Variants in PHACTR3 observed in about 807,000 individuals in gnomAD.
The protein encoded by PHACTR3 is protein phosphatase 1, regulatory subunit 123.
A neutral mutation model predicts 66.8 loss-of-function variants in PHACTR3; 16 were observed. That is an observed-to-expected ratio of 0.24 (90% CI 0.16 to 0.36). The LOEUF (loss-of-function observed/expected upper bound fraction) is 0.36, where lower values mean the gene tolerates loss of function less well. Among genes scored for constraint, PHACTR3 ranks in the 10% least tolerant of loss-of-function variants. The pLI is 1.00. For synonymous variants in PHACTR3, 323 were observed against 292.1 expected (o/e 1.11, Z -1.08); for missense variants, 647 against 719.9 (o/e 0.90, Z 1.16).
intron 7 of PHACTR3, among the ~76,000 whole-genome samples, chr20:59,790,245 A>G (rs2041048336): frequency 6.6e-6 from 1 of 152,166 alleles, no homozygotes; most frequent in South Asian, 2.1e-4. Context: ...AGTACCCATT[A>G]GTTAGTTTTC....
At chr20:59,769,165 C>T (rs188065251) in intron 5 of PHACTR3, among the ~76,000 whole-genome samples, 7 of 152,364 alleles carry the variant, frequency 4.6e-5, no homozygotes, top group African/African-American at 1.4e-4. Context: ...AGCCCTGACC[C>T]TTGACCTCAT....
chr20:59,624,443 A>G (rs2034371981), intron 1 of PHACTR3, among the ~76,000 whole-genome samples: 1 of 152,144 alleles, frequency 6.6e-6, no homozygotes, highest in African/African-American at 2.4e-5. Context: ...TCTGCCATGA[A>G]GCCAGTATGA....
At chr20:59,590,247 A>G (rs1184369195) in intron 1 of PHACTR3, among the ~76,000 whole-genome samples, 2 of 152,254 alleles carry the variant, frequency 1.3e-5, no homozygotes, top group Non-Finnish European at 2.9e-5. Flanking sequence ...GCTGAGTGCT[A>G]TTCCCTAGTG....
Position 59,693,755 on chromosome 20 carries a change from G to A in PHACTR3, c.119-49352G>A, listed in dbSNP as rs146032613. ...TCAACTGCAGGCTGGGTATAACACT[G>A]TCAGATTTTGGTGTCAGCTGGGATA... On this transcript the variant is annotated intron_variant, in intron 1 of 12. Transcript: ENST00000371015. 2.7e-4 allele frequency among the ~76,000 whole-genome samples: 41 copies of A among 152,286 alleles called. No homozygotes were observed. The East Asian group carries it at 7.9e-3, about 29-fold the overall frequency.
intron 4 of PHACTR3, among the ~76,000 whole-genome samples, chr20:59,760,410 C>T (rs2039955314): frequency 6.6e-6 from 1 of 152,114 alleles, no homozygotes; most frequent in Non-Finnish European, 1.5e-5. Flanking sequence ...TCCCATAATT[C>T]CCACGTGTGG....
rs138881292 is a variant in PHACTR3 at position 59,665,494 on chromosome 20, G to T, written c.118+60362G>T. On this transcript the variant is annotated intron_variant, in intron 1 of 12. Transcript: ENST00000371015. ...GCACCTTGCTCAAGCCAAGTAAAATGAATTTTTCATATTACGATTTTTTTT... is the reference window on the plus strand; with the variant it reads ...GCACCTTGCTCAAGCCAAGTAAAATTAATTTTTCATATTACGATTTTTTTT... Among the ~76,000 whole-genome samples, 303 of 151,990 alleles carry T rather than the reference G, an allele frequency of 2.0e-3. 1 individual carries two copies. The highest frequency in any genetic ancestry group is 7.1e-3 in the African/African-American group (294 of 41,506).
At chr20:59,816,399 G>A (rs2041888725) in intron 8 of PHACTR3, among the ~76,000 whole-genome samples, 1 of 152,182 alleles carries the variant, frequency 6.6e-6, no homozygotes, top group African/African-American at 2.4e-5. Flanking sequence ...GGGACTCTGG[G>A]TCCATGACAG....
intron 1 of PHACTR3, among the ~76,000 whole-genome samples, chr20:59,612,663 C>A (rs376196633): frequency 6.6e-6 from 1 of 152,166 alleles, no homozygotes. Context: ...GGATTACAGG[C>A]GTAAGCCACC....
intron 1 of PHACTR3, among the ~76,000 whole-genome samples, chr20:59,614,043 G>T (rs1018300475): frequency 6.6e-6 from 1 of 152,144 alleles, no homozygotes; most frequent in Non-Finnish European, 1.5e-5. Flanking sequence ...GAAAGCTAGC[G>T]AGGCTGAGTA....
chr20:59,635,148 T>TC lies in PHACTR3; in HGVS notation c.118+30016_118+30017insC, dbSNP rs1568948851. Among the ~76,000 whole-genome samples the TC allele has an allele frequency of 1.6e-3, 37 of 23,690 alleles. 1 individual carries two copies. The highest frequency in any genetic ancestry group is 4.8e-3 in the African/African-American group (31 of 6,440). The allele number at this position is 23,690 out of a possible 152,430, so 15.5% of individuals were successfully genotyped here. A position where few individuals can be genotyped will look rare whatever the true frequency, so the allele number is the denominator to read the frequency against. The stretch of plus-strand genomic sequence containing the variant: ...CTTTCTTTCTTTCTTTCTTTCTTTC[T>TC]TTTTCTTTCTTTCTTTCTTTCCTTT... On this transcript the variant is annotated intron_variant, in intron 1 of 12. Coordinates refer to ENST00000371015, the MANE Select transcript of PHACTR3 (RefSeq NM_080672.5).
intron 1 of PHACTR3, among the ~76,000 whole-genome samples, chr20:59,724,085 A>T (rs977999773): frequency 3.9e-5 from 6 of 152,166 alleles, no homozygotes; most frequent in African/African-American, 1.2e-4. Context: ...GCCCGGCCAT[A>T]GTGCCAACAC....
At chr20:59,581,804 C>A (rs1335468828) in intron 1 of PHACTR3, among the ~76,000 whole-genome samples, 1 of 151,864 alleles carries the variant, frequency 6.6e-6, no homozygotes, top group Non-Finnish European at 1.5e-5. Context: ...AGGCGTGAAC[C>A]CGGTAGGCGG....
chr20:59,773,291 T>G lies in PHACTR3; in HGVS notation c.764T>G (p.Leu255Arg). The part of the protein sequence containing the change: ...TTKNVTGQAT[L>R]FQASSMKSAD... ...TCCCACACCCCAGGCCAAGCCACACTCTTCCAAGCCTCCAGCATGAAGAGT... is the reference window on the plus strand; with the variant it reads ...TCCCACACCCCAGGCCAAGCCACACGCTTCCAAGCCTCCAGCATGAAGAGT... Residue 255 changes from leucine (L) to arginine (R), a missense_variant, in exon 6 of 13, where the codon CTC becomes CGC. Physicochemically the swap from Leu to Arg is moderately radical, Grantham distance 102 (BLOSUM62 -2). This residue lies in a region of PHACTR3 where 577 missense variants were observed against 571.1 expected (regional missense o/e 1.01). Coordinates refer to ENST00000371015, the MANE Select transcript of PHACTR3 (RefSeq NM_080672.5). The G allele has an allele frequency of 1.2e-6, 2 of 1,613,866 alleles. No homozygotes were observed. The highest frequency in any genetic ancestry group is 8.5e-7 in the Non-Finnish European group (1 of 1,179,864).
At chr20:59,846,658 T>TAATTTTA (rs1360362193) in intron 12 of PHACTR3, among the ~76,000 whole-genome samples, 67 of 152,298 alleles carry the variant, frequency 4.4e-4, no homozygotes, top group African/African-American at 1.5e-3. Flanking sequence ...ATACTTAAAA[T>TAATTTTA]GTGGTATAAA....
intron 1 of PHACTR3, among the ~76,000 whole-genome samples, chr20:59,668,332 G>T (rs1030980947): frequency 6.6e-6 from 1 of 151,962 alleles, no homozygotes; most frequent in East Asian, 1.9e-4. Context: ...GGTTAGAGGT[G>T]GGCACGTACG....
At chr20:59,586,700 G>T (rs1600867109) in intron 1 of PHACTR3, among the ~76,000 whole-genome samples, 1 of 152,194 alleles carries the variant, frequency 6.6e-6, no homozygotes. Flanking sequence ...TGGGGGATTG[G>T]AGAGGAGCCA....
chr20:59,795,359 G>A (rs1328662913), intron 7 of PHACTR3, among the ~76,000 whole-genome samples: 1 of 151,312 alleles, frequency 6.6e-6, no homozygotes, highest in Non-Finnish European at 1.5e-5. Context: ...TACTTGATAT[G>A]ATTTTTATCT....
chr20:59,838,674 T>A (rs777740768), intron 9 of PHACTR3, among the ~76,000 whole-genome samples: 1 of 152,238 alleles, frequency 6.6e-6, no homozygotes, highest in Non-Finnish European at 1.5e-5. Flanking sequence ...ATTGCCCATC[T>A]TCTTAACTAC....
At chr20:59,650,962 AAAAG>A (rs2035440946) in intron 1 of PHACTR3, among the ~76,000 whole-genome samples, 1 of 152,156 alleles carries the variant, frequency 6.6e-6, no homozygotes, top group Admixed American at 6.5e-5. Context: ...TCTTTTAACA[AAAAG>A]AAAACCTGAT....
Sources: gnomAD v4.1 joint callset for allele counts (sites outside exome capture counted in the v4.1 genomes callset) on GRCh38, gnomAD v4.1.1 for gene constraint, gnomAD v4.1.1 regional missense constraint, MANE v1.5 for transcripts, NCBI Gene and HGNC (gene_info 2026-07-23, HGNC 2026-07-21) for gene names.